The following PTPRD variants were observed in gnomAD, a reference collection of about 807,000 sequenced individuals.
The protein encoded by PTPRD is protein tyrosine phosphatase receptor type D.
Under a neutral mutation model 214.5 loss-of-function variants are expected in PTPRD, and 34 were observed. The ratio of observed to expected loss-of-function variants is 0.16; its 90% confidence interval spans 0.12 to 0.21. PTPRD has a LOEUF of 0.21. Ranked by LOEUF, PTPRD falls within the 10% of genes least tolerant of loss-of-function variation. PTPRD has a pLI of 1.00. For missense variants in PTPRD, 2,545 were observed against 2,398.7 expected (o/e 1.06, Z -1.27); for synonymous variants, 1,128 against 845.7 (o/e 1.33, Z -5.79).
intron 9 of PTPRD, among the ~76,000 whole-genome samples, chr9:9,392,713 C>T (rs1379104863): frequency 6.6e-6 from 1 of 152,130 alleles, no homozygotes; most frequent in Admixed American, 6.6e-5. Context: ...TGCATTTCTT[C>T]TTGGCTACAT....
Position 8,641,262 on chromosome 9 carries a change from G to T in PTPRD, c.65-4418C>A, listed in dbSNP as rs146895968. Reference sequence around the variant, plus strand: ...TAAGATTTGAATCGTGAAAATCTCCGTTTTTATCCCATGAGATACAACCAT... The same window carrying T: ...TAAGATTTGAATCGTGAAAATCTCCTTTTTTATCCCATGAGATACAACCAT... On this transcript the variant is annotated intron_variant, in intron 12 of 45. Transcript: ENST00000381196. 2.1e-4 allele frequency among the ~76,000 whole-genome samples: 31 copies of T among 148,258 alleles called. 1 individual carries two copies. The East Asian group carries it at 6.0e-3, about 29-fold the overall frequency.
At chr9:9,721,115 A>G (rs2097932263) in intron 7 of PTPRD, among the ~76,000 whole-genome samples, 1 of 152,296 alleles carries the variant, frequency 6.6e-6, no homozygotes, top group South Asian at 2.1e-4. Flanking sequence ...ACAAACCTGC[A>G]TATGTACCCC....
At chr9:10,146,796 G>C (rs1226479555) in intron 3 of PTPRD, among the ~76,000 whole-genome samples, 1 of 152,124 alleles carries the variant, frequency 6.6e-6, no homozygotes, top group Admixed American at 6.6e-5. Context: ...GGTTTGGGGA[G>C]AGTGGAGATT....
chr9:8,703,327 T>C (rs1244298124), intron 12 of PTPRD, among the ~76,000 whole-genome samples: 2 of 152,160 alleles, frequency 1.3e-5, no homozygotes, highest in African/African-American at 2.4e-5. Context: ...CTGCTTTGAA[T>C]TGTCTGAGTT....
At chr9:8,654,073 G>A (rs530549514) in intron 12 of PTPRD, among the ~76,000 whole-genome samples, 2 of 152,204 alleles carry the variant, frequency 1.3e-5, no homozygotes, top group South Asian at 4.1e-4. Flanking sequence ...CAACATCCCT[G>A]GCTTCTACCC....
At chr9:10,542,664 A>T (rs1194276212) in intron 2 of PTPRD, among the ~76,000 whole-genome samples, 1 of 152,078 alleles carries the variant, frequency 6.6e-6, no homozygotes, top group Non-Finnish European at 1.5e-5. Flanking sequence ...ATTCACAGTG[A>T]AATATTGTAG....
chr9:8,331,282 C>T (rs961952456), intron 44 of PTPRD, among the ~76,000 whole-genome samples: 6 of 151,934 alleles, frequency 3.9e-5, no homozygotes, highest in African/African-American at 9.7e-5. Flanking sequence ...TGATTAACAA[C>T]GAATTATTAC....
At chr9:9,868,784 A>T (rs2064679195) in intron 5 of PTPRD, among the ~76,000 whole-genome samples, 1 of 151,454 alleles carries the variant, frequency 6.6e-6, no homozygotes, top group Non-Finnish European at 1.5e-5. Context: ...CAAATGACTT[A>T]TAAACAATAA....
chr9:9,351,201 T>A (rs985064944), intron 9 of PTPRD, among the ~76,000 whole-genome samples: 1 of 151,996 alleles, frequency 6.6e-6, no homozygotes, highest in Non-Finnish European at 1.5e-5. Flanking sequence ...TTTTGCCTCA[T>A]TTCACTTCTG....
At chr9:9,929,454 C>T (rs779936809) in intron 5 of PTPRD, among the ~76,000 whole-genome samples, 1 of 152,132 alleles carries the variant, frequency 6.6e-6, no homozygotes, top group Non-Finnish European at 1.5e-5. Context: ...AGTGCAGTGG[C>T]GTGATCTTGT....
At chr9:9,568,926 A>G (rs534772828) in intron 8 of PTPRD, among the ~76,000 whole-genome samples, 1 of 151,918 alleles carries the variant, frequency 6.6e-6, no homozygotes, top group African/African-American at 2.4e-5. Flanking sequence ...CTTAGTACAT[A>G]CAGATGCTTA....
intron 5 of PTPRD, among the ~76,000 whole-genome samples, chr9:9,869,023 G>C (rs556699327): frequency 6.6e-6 from 1 of 152,276 alleles, no homozygotes; most frequent in South Asian, 2.1e-4. Context: ...GGCATAATTT[G>C]AGAATATGGT....
intron 7 of PTPRD, among the ~76,000 whole-genome samples, chr9:9,678,118 A>G (rs1050084143): frequency 1.3e-5 from 2 of 152,120 alleles, no homozygotes; most frequent in Admixed American, 6.6e-5. Context: ...AGGAAGAATC[A>G]ATATCGTGAA....
chr9:10,509,471 AT>A (rs2047214013), intron 2 of PTPRD, among the ~76,000 whole-genome samples: 1 of 1,096 alleles, frequency 9.1e-4, no homozygotes, highest in Non-Finnish European at 7.6e-3. Flanking sequence ...TGATTGATCC[AT>A]CTATCTATCT....
intron 5 of PTPRD, among the ~76,000 whole-genome samples, chr9:9,781,444 C>A (rs551667550): frequency 1.3e-5 from 2 of 152,178 alleles, no homozygotes; most frequent in Non-Finnish European, 2.9e-5. Context: ...AGAAAGACAA[C>A]GGTGACATTG....
intron 3 of PTPRD, among the ~76,000 whole-genome samples, chr9:10,081,271 A>G (rs1257336087): frequency 6.6e-6 from 1 of 152,146 alleles, no homozygotes; most frequent in Non-Finnish European, 1.5e-5. Context: ...TCTGATACAC[A>G]TCAATAATTA....
chr9:9,323,283 C>T lies in PTPRD; in HGVS notation c.-203+74166G>A, dbSNP rs184559855. 4.5e-3 allele frequency among the ~76,000 whole-genome samples: 677 copies of T among 151,974 alleles called. 1 individual carries two copies. The highest frequency in any genetic ancestry group is 6.0e-3 in the Non-Finnish European group (411 of 67,998). ...CAAGACTTCATATGATTTGTTAAAT[C>T]GATAATAATGCTTACAAAGTTCACT... is the stretch of plus-strand genomic sequence containing the variant. On this transcript the variant is annotated intron_variant, in intron 9 of 45. Coordinates refer to ENST00000381196, the MANE Select transcript of PTPRD (RefSeq NM_002839.4).
chr9:8,937,509 C>T (rs2099005731), intron 11 of PTPRD, among the ~76,000 whole-genome samples: 1 of 152,114 alleles, frequency 6.6e-6, no homozygotes. Context: ...TTCATCATGC[C>T]TCTCCATTCT....
chr9:8,829,506 C>T (rs1260168188), intron 11 of PTPRD, among the ~76,000 whole-genome samples: 1 of 119,404 alleles, frequency 8.4e-6, no homozygotes, highest in Non-Finnish European at 1.8e-5. Context: ...GCATTTAAAA[C>T]GTGACTTTTT....
Sources: allele counts gnomAD v4.1 joint callset (sites outside exome capture counted in the v4.1 genomes callset), GRCh38; gene constraint gnomAD v4.1.1; transcripts MANE v1.5; gene names NCBI Gene and HGNC (gene_info 2026-07-23, HGNC 2026-07-21).